The following PRTFDC1 variants were observed in gnomAD, a reference collection of about 807,000 sequenced individuals.
PRTFDC1 encodes phosphoribosyltransferase domain-containing protein 1.
In PRTFDC1, 38 loss-of-function variants were observed where a neutral mutation model predicts 34.6. The observed-to-expected ratio is 1.10, with a 90% CI of 0.85 to 1.44. The LOEUF (loss-of-function observed/expected upper bound fraction) is 1.44. PRTFDC1 is among the 40% of genes most tolerant of loss of function. The pLI is 0.00. For missense variants in PRTFDC1, 270 were observed against 283.0 expected (o/e 0.95, Z 0.33); for synonymous variants, 93 against 98.1 (o/e 0.95, Z 0.31).
intron 3 of PRTFDC1, among the ~76,000 whole-genome samples, chr10:24,893,831 G>C (rs1848303668): frequency 6.6e-6 from 1 of 152,154 alleles, no homozygotes; most frequent in African/African-American, 2.4e-5. Flanking sequence ...GAGCCCTCCT[G>C]TTTGAGCATT....
chr10:24,870,771 G>A (rs1847855792), intron 4 of PRTFDC1, among the ~76,000 whole-genome samples: 1 of 152,074 alleles, frequency 6.6e-6, no homozygotes, highest in African/African-American at 2.4e-5. Flanking sequence ...CTACTATGCT[G>A]TCTTCAGAGT....
At chr10:24,921,462 C>T (rs945153250) in intron 3 of PRTFDC1, among the ~76,000 whole-genome samples, 1 of 152,030 alleles carries the variant, frequency 6.6e-6, no homozygotes, top group South Asian at 2.1e-4. Flanking sequence ...TTCCAGGCCT[C>T]GATGATCACA....
chr10:24,937,470 G>C (rs922472266), intron 2 of PRTFDC1, 103 bp from the exon 3 acceptor site: 14 of 1,047,970 alleles, frequency 1.3e-5, no homozygotes, highest in Non-Finnish European at 1.6e-5. Flanking sequence ...TTACTCAGAG[G>C]AATGTGGGGA....
intron 3 of PRTFDC1, among the ~76,000 whole-genome samples, chr10:24,886,952 C>CCTT (rs1372869745): frequency 8.2e-6 from 1 of 121,552 alleles, no homozygotes; most frequent in Non-Finnish European, 1.6e-5. Flanking sequence ...TGTTAATACT[C>CCTT]CTTCTTTTTT....
At chr10:24,905,170 A>C (rs1848513743) in intron 3 of PRTFDC1, among the ~76,000 whole-genome samples, 1 of 151,796 alleles carries the variant, frequency 6.6e-6, no homozygotes, top group South Asian at 2.1e-4. Flanking sequence ...AAAATTAGCC[A>C]GGCACAGTGG....
At chr10:24,915,026 T>C (rs1449909544) in intron 3 of PRTFDC1, among the ~76,000 whole-genome samples, 1 of 152,178 alleles carries the variant, frequency 6.6e-6, no homozygotes, top group Non-Finnish European at 1.5e-5. Flanking sequence ...AATCGAACCC[T>C]AAACCTCAGC....
chr10:24,874,200 T>C (rs958945200), intron 3 of PRTFDC1, among the ~76,000 whole-genome samples: 2 of 152,100 alleles, frequency 1.3e-5, no homozygotes, highest in Non-Finnish European at 2.9e-5. Flanking sequence ...CTAAGTTAGA[T>C]AAAACCAGTG....
chr10:24,923,772 C>A (rs934327512), intron 3 of PRTFDC1, among the ~76,000 whole-genome samples: 1 of 152,140 alleles, frequency 6.6e-6, no homozygotes, highest in Admixed American at 6.5e-5. Flanking sequence ...TCCTCACCAG[C>A]AATGGAACAA....
At chr10:24,928,869 C>T (rs867481784) in intron 3 of PRTFDC1, among the ~76,000 whole-genome samples, 4 of 151,486 alleles carry the variant, frequency 2.6e-5, no homozygotes, top group Non-Finnish European at 5.9e-5. Context: ...AACCCTGTCT[C>T]TACTAAAAAA....
intron 3 of PRTFDC1, among the ~76,000 whole-genome samples, chr10:24,892,981 A>G (rs1588596972): frequency 6.6e-6 from 1 of 152,054 alleles, no homozygotes; most frequent in African/African-American, 2.4e-5. Flanking sequence ...ATCTCTTAAA[A>G]CCCTGGGATC....
At chr10:24,880,238 T>TTTTTTTTTC (rs914995436) in intron 3 of PRTFDC1, among the ~76,000 whole-genome samples, 1 of 151,398 alleles carries the variant, frequency 6.6e-6, no homozygotes, top group African/African-American at 2.4e-5. Flanking sequence ...GTCTTTAGTA[T>TTTTTTTTTC]TTTTTTTTCT....
At chr10:24,910,395 G>T (rs1848608674) in intron 3 of PRTFDC1, among the ~76,000 whole-genome samples, 1 of 152,096 alleles carries the variant, frequency 6.6e-6, no homozygotes. Context: ...ATAGATTTTT[G>T]TCTCATTTCA....
intron 3 of PRTFDC1, among the ~76,000 whole-genome samples, chr10:24,922,899 G>C (rs929350742): frequency 7.9e-5 from 12 of 152,210 alleles, no homozygotes; most frequent in Non-Finnish European, 1.8e-4. Flanking sequence ...GCCAAGGGAA[G>C]CTGTGACAGA....
At chr10:24,857,084 G>A in intron 5 of PRTFDC1, 89 bp from the exon 6 acceptor site, 1 of 1,095,550 alleles carries the variant, frequency 9.1e-7, no homozygotes, top group South Asian at 1.3e-5. Flanking sequence ...GATTAATAAT[G>A]CATCGTAATT....
chr10:24,874,488 T>G (rs1216159065), intron 3 of PRTFDC1, among the ~76,000 whole-genome samples: 1 of 152,190 alleles, frequency 6.6e-6, no homozygotes, highest in African/African-American at 2.4e-5. Context: ...TTCCAGGGAC[T>G]GGGTTATACA....
intron 3 of PRTFDC1, among the ~76,000 whole-genome samples, chr10:24,883,122 A>G (rs1848107874): frequency 6.7e-6 from 1 of 148,280 alleles, no homozygotes; most frequent in Non-Finnish European, 1.5e-5. Context: ...ATAATTATAA[A>G]TAATATAATA....
At chr10:24,858,476 T>G in intron 4 of PRTFDC1, 67 bp from the exon 5 acceptor site, 1 of 1,535,192 alleles carries the variant, frequency 6.5e-7, no homozygotes, top group Non-Finnish European at 9.0e-7. Context: ...CATACACATT[T>G]TTTTGCTTAT....
At chr10:24,908,871 G>A (rs1848581824) in intron 3 of PRTFDC1, 34 of 899,534 alleles carry the variant, frequency 3.8e-5, no homozygotes, top group Non-Finnish European at 5.3e-5. Flanking sequence ...AAGACCTCTG[G>A]CTGGGGTGAG....
At chr10:24,901,650 G>A (rs1308073723) in intron 3 of PRTFDC1, among the ~76,000 whole-genome samples, 5 of 152,134 alleles carry the variant, frequency 3.3e-5, no homozygotes, top group Admixed American at 6.5e-5. Flanking sequence ...GATCGCTTGA[G>A]CCTGGTAGGA....
Sources: allele counts gnomAD v4.1 joint callset (sites outside exome capture counted in the v4.1 genomes callset), GRCh38; gene constraint gnomAD v4.1.1; transcripts MANE v1.5; gene names NCBI Gene and HGNC (gene_info 2026-07-23, HGNC 2026-07-21).